Variants in TRIM38 observed in about 807,000 individuals in gnomAD.
TRIM38 encodes tripartite motif containing 38, also known as E3 ubiquitin-protein ligase TRIM38.
In TRIM38, 35 loss-of-function variants were observed where a neutral mutation model predicts 35.8. The observed-to-expected ratio is 0.98, with a 90% CI of 0.75 to 1.30. TRIM38 has a LOEUF of 1.30. Among genes scored for constraint, TRIM38 ranks in the 50% most tolerant of loss-of-function variants. The pLI is 0.00. For missense variants in TRIM38, 545 were observed against 556.9 expected (o/e 0.98, Z 0.21); for synonymous variants, 198 against 204.7 (o/e 0.97, Z 0.28).
In TRIM38 at chr6:25,966,323, T is replaced by G. The variant is rs551876349; in HGVS notation, c.-188-12T>G. The G allele has an allele frequency of 5.2e-4, 281 of 543,916 alleles. 5 individuals carry two copies. In the South Asian group the frequency reaches 5.9e-3, roughly 11 times the overall value. The allele number at this position is 543,916 out of a possible 1,614,324, so 33.7% of individuals were successfully genotyped here. On this transcript the variant is annotated splice_polypyrimidine_tract_variant and intron_variant, in intron 2 of 7. Transcript: ENST00000357085. ...GGCCCAAACAACCTCAGCCTCAACT[T>G]CTTCCTTTTAGGTCCTCTTTTCTTC...
chr6:25,985,679 G>A lies in TRIM38; in HGVS notation c.*1992G>A, dbSNP rs977483467. 2.6e-5 allele frequency: 4 copies of A among 152,304 alleles called. No individual in the cohort carries two copies. In the South Asian group the frequency reaches 8.3e-4, roughly 32 times the overall value. The allele number at this position is 152,304 out of a possible 1,614,324, so 9.4% of individuals were successfully genotyped here. Reference sequence around the variant, plus strand: ...GGGTAATAGGACCCAGTGGGTAACCGAGGAACCCCACCTTTGTGCAGGATC... The same window carrying A: ...GGGTAATAGGACCCAGTGGGTAACCAAGGAACCCCACCTTTGTGCAGGATC... On this transcript the variant is annotated 3_prime_UTR_variant, in exon 8 of 8. Coordinates refer to ENST00000357085, the MANE Select transcript of TRIM38 (RefSeq NM_006355.5).
intron 7 of TRIM38, chr6:25,974,829 C>A: frequency 1.1e-6 from 1 of 919,064 alleles, no homozygotes; most frequent in South Asian, 5.0e-5. Context: ...GAATTATAGA[C>A]CTGTGTTCCC....
intron 3 of TRIM38, among the ~76,000 whole-genome samples, chr6:25,968,805 C>T (rs191834138): frequency 2.6e-5 from 4 of 152,354 alleles, no homozygotes; most frequent in African/African-American, 9.6e-5. Context: ...TTCCCCTCTT[C>T]CATGAACTGT....
intron 7 of TRIM38, among the ~76,000 whole-genome samples, chr6:25,976,613 G>A (rs1315814675): frequency 1.3e-5 from 2 of 152,190 alleles, no homozygotes; most frequent in Non-Finnish European, 2.9e-5. Flanking sequence ...GGGCATTGAA[G>A]TTGTGTGTAG....
In TRIM38 at chr6:25,983,751, C is replaced by A; in HGVS notation, c.*64C>A. On this transcript the variant is annotated 3_prime_UTR_variant, in exon 8 of 8. Coordinates refer to ENST00000357085, the MANE Select transcript of TRIM38 (RefSeq NM_006355.5). The stretch of plus-strand genomic sequence containing the variant: ...GAAAATAATATAAATCCCATAAGGG[C>A]AGACGTTTGGTCTGTTTTCTTCGCT... 7.0e-7 allele frequency: 1 copy of A among 1,434,712 alleles called. No individual in the cohort carries two copies. Among genetic ancestry groups the A allele is most frequent in the Non-Finnish European group, 9.3e-7 (1 of 1,072,888 alleles). 88.9% of individuals were successfully genotyped at this position (1,434,712 alleles called of 1,614,324 possible).
rs969412709 is a variant in TRIM38, at chr6:25,989,463, A to G, written c.*5776A>G. 6 of 151,528 alleles carry G rather than the reference A, an allele frequency of 4.0e-5. No individual in the cohort carries two copies. Among genetic ancestry groups the G allele is most frequent in the Admixed American group, 2.0e-4 (3 of 15,174 alleles). 9.4% of individuals were successfully genotyped at this position (151,528 alleles called of 1,614,324 possible). On this transcript the variant is annotated 3_prime_UTR_variant, in exon 8 of 8. Transcript: ENST00000357085. ...AAGCTAAATAAATTACAGTTTTTCA[A>G]ATTTTGAATTAATTGATCTTTGCTA...
chr6:25,972,006 T>A lies in TRIM38; in HGVS notation c.645T>A (p.Tyr215Ter), dbSNP rs1041706160. 1 of 1,614,106 alleles carries A rather than the reference T, an allele frequency of 6.2e-7. No individual in the cohort carries two copies. The highest frequency in any genetic ancestry group is 8.5e-7 in the Non-Finnish European group (1 of 1,180,018). The change falls in exon 5 of 8, where the codon TAT becomes TAA. Residue 215 changes from tyrosine to a stop codon, truncating the protein, a stop_gained. Transcript: ENST00000357085. LOFTEE classifies it high-confidence loss of function. ...AGACTCTGAGTAGACTGAGGGACTA[T>A]GAGGCTGGTCTGGGGCTGAAGAGCA... Reference protein sequence around the residue: ...EQQTLSRLRDYEAGLGLKSNE... With the variant: ...EQQTLSRLRD
chr6:25,967,539 T>G (rs2113582598), intron 3 of TRIM38, among the ~76,000 whole-genome samples: 1 of 69,594 alleles, frequency 1.4e-5, no homozygotes, highest in South Asian at 4.9e-4. Context: ...TTTTTTTTTT[T>G]TTTTTTTTTT....
intron 3 of TRIM38, among the ~76,000 whole-genome samples, chr6:25,967,524 C>CTTTT (rs34579913): frequency 1.1e-5 from 1 of 90,894 alleles, no homozygotes; most frequent in African/African-American, 4.8e-5. Context: ...GGTACCTCTA[C>CTTTT]TTTTTTTTTT....
chr6:25,964,768 A>G (rs1759965238), intron 2 of TRIM38, among the ~76,000 whole-genome samples: 1 of 152,078 alleles, frequency 6.6e-6, no homozygotes. Context: ...ACCCAATTGC[A>G]TAAGTGTTAC....
chr6:25,972,193 CT>C, intron 5 of TRIM38, 94 bp downstream of exon 5: 3 of 1,146,174 alleles, frequency 2.6e-6, no homozygotes, highest in Non-Finnish European at 2.5e-6. Flanking sequence ...AGTAATGTTT[CT>C]TTTAGATGTA....
rs886521341 is a variant in TRIM38 at position 25,983,773 on chromosome 6, C to T, written c.*86C>T. 3.7e-5 allele frequency: 47 copies of T among 1,280,958 alleles called. No individual in the cohort carries two copies. Among genetic ancestry groups the T allele is most frequent in the Admixed American group, 2.0e-4 (8 of 40,992 alleles). The allele number at this position is 1,280,958 out of a possible 1,614,324, so 79.3% of individuals were successfully genotyped here. ...GGGCAGACGTTTGGTCTGTTTTCTT[C>T]GCTGTCATTTCCTTAGTAGTTAGAC... is the stretch of plus-strand genomic sequence containing the variant. On this transcript the variant is annotated 3_prime_UTR_variant, in exon 8 of 8. Transcript: ENST00000357085.
rs1226355915 is a variant in TRIM38 at position 25,989,914 on chromosome 6, A to G, written c.*6227A>G. ...TTGATTTTTATTTCAGGCAACTAAT[A>G]TCTATTCATTTTTGCACTGTTGGAA... On this transcript the variant is annotated 3_prime_UTR_variant, in exon 8 of 8. Transcript: ENST00000357085. The G allele has an allele frequency of 6.6e-6, 1 of 151,682 alleles. No individual in the cohort carries two copies. Among genetic ancestry groups the G allele is most frequent in the Non-Finnish European group, 1.5e-5 (1 of 67,944 alleles). 9.4% of individuals were successfully genotyped at this position (151,682 alleles called of 1,614,324 possible).
intron 7 of TRIM38, among the ~76,000 whole-genome samples, chr6:25,982,215 T>C (rs1760564843): frequency 6.6e-6 from 1 of 152,168 alleles, no homozygotes; most frequent in Admixed American, 6.5e-5. Flanking sequence ...GTGCACAGAC[T>C]TGTTGGTTCC....
Position 25,973,204 on chromosome 6 carries a change from G to GCTGT in TRIM38, c.796_799dup (p.Ser267CysfsTer28), listed in dbSNP as rs1252550612. ...GGCTGTGAAGCTGGAAACATCAGAG[G>GCTGT]CTGTCTCCTTGGAACTTCATACTAT... On this transcript the variant is annotated frameshift_variant, in exon 7 of 8. Transcript: ENST00000357085. LOFTEE classifies it high-confidence loss of function. 2 of 1,614,154 alleles carry GCTGT rather than the reference G, an allele frequency of 1.2e-6. No homozygotes were observed. The highest frequency in any genetic ancestry group is 1.7e-5 in the Admixed American group (1 of 60,026).
intron 4 of TRIM38, among the ~76,000 whole-genome samples, chr6:25,970,700 C>T (rs912940931): frequency 1.3e-5 from 2 of 152,118 alleles, no homozygotes; most frequent in Non-Finnish European, 2.9e-5. Flanking sequence ...AAAGACCCTT[C>T]TTCTATATCA....
chr6:25,976,546 C>T (rs1421702592), intron 7 of TRIM38, among the ~76,000 whole-genome samples: 2 of 152,242 alleles, frequency 1.3e-5, no homozygotes, highest in Admixed American at 6.5e-5. Flanking sequence ...GTTGGGATTA[C>T]AGGCATGAAC....
Position 25,985,513 on chromosome 6 carries a change from C to G in TRIM38, c.*1826C>G, listed in dbSNP as rs1760686474. On this transcript the variant is annotated 3_prime_UTR_variant, in exon 8 of 8. Transcript: ENST00000357085. ...CTTTGTTTCTGTCTTGTCAATCTGT[C>G]TTTTGTTAGTCTACTTGATAGGGCC... is the stretch of plus-strand genomic sequence containing the variant. The G allele has an allele frequency of 6.6e-6, 1 of 152,090 alleles. No homozygotes were observed. The allele number at this position is 152,090 out of a possible 1,614,324, so 9.4% of individuals were successfully genotyped here.
At chr6:25,971,816 T>C (rs1004187406) in intron 4 of TRIM38, 53 bp from the exon 5 acceptor site, 17 of 1,461,880 alleles carry the variant, frequency 1.2e-5, no homozygotes, top group Middle Eastern at 1.8e-4. Context: ...CATTCATCCA[T>C]AGATGGACAT....
Sources: gnomAD v4.1 joint callset for allele counts (sites outside exome capture counted in the v4.1 genomes callset) on GRCh38, gnomAD v4.1.1 for gene constraint, MANE v1.5 for transcripts, NCBI Gene and HGNC (gene_info 2026-07-23, HGNC 2026-07-21) for gene names.